SH2D3C: variants seen among roughly 807,000 people sequenced by gnomAD.
SH2D3C encodes the protein SH2 domain-containing protein 3C.
SH2D3C carries 25 observed loss-of-function variants against 75.2 expected under a neutral mutation model. The observed-to-expected ratio is 0.33, with a 90% CI of 0.24 to 0.46. SH2D3C has a LOEUF of 0.46. Ranked by LOEUF, SH2D3C falls within the 20% of genes least tolerant of loss-of-function variation. The pLI is 1.00. For synonymous variants in SH2D3C, 450 were observed against 473.7 expected, an observed-to-expected ratio of 0.95 and a Z score of 0.65; for missense variants, 933 against 1,165.3, an observed-to-expected ratio of 0.80 and a Z score of 2.90.
At chr9:127,752,557 G>A (rs1281641711) in intron 3 of SH2D3C, among the ~76,000 whole-genome samples, 1 of 152,088 alleles carries the variant, frequency 6.6e-6, no homozygotes, top group Non-Finnish European at 1.5e-5. Context: ...AGGTCCTCCA[G>A]TCCACTCCCT....
At chr9:127,769,971 C>T (rs1312623490) in intron 2 of SH2D3C, among the ~76,000 whole-genome samples, 1 of 152,158 alleles carries the variant, frequency 6.6e-6, no homozygotes, top group Non-Finnish European at 1.5e-5. Context: ...GGGACCCTCG[C>T]CTGACAATTC....
intron 2 of SH2D3C, among the ~76,000 whole-genome samples, chr9:127,772,676 T>C (rs1242219441): frequency 6.6e-6 from 1 of 151,726 alleles, no homozygotes; most frequent in Non-Finnish European, 1.5e-5. Flanking sequence ...TCTCCCGGGG[T>C]GTGAAAGGCA....
chr9:127,752,691 T>C (rs902753625), intron 3 of SH2D3C, among the ~76,000 whole-genome samples: 4 of 152,170 alleles, frequency 2.6e-5, no homozygotes, highest in African/African-American at 9.7e-5. Flanking sequence ...TGATTCCCAG[T>C]GTCAGAGATA....
intron 1 of SH2D3C, among the ~76,000 whole-genome samples, chr9:127,777,337 T>C (rs1384615382): frequency 6.6e-6 from 1 of 152,124 alleles, no homozygotes; most frequent in African/African-American, 2.4e-5. Context: ...CTCTGTGCTC[T>C]TTCCCCACCC....
intron 8 of SH2D3C, 94 bp from the exon 9 acceptor site, chr9:127,742,053 G>C: frequency 8.0e-7 from 1 of 1,254,372 alleles, no homozygotes; most frequent in Non-Finnish European, 1.1e-6. Flanking sequence ...CGGGAGAGGC[G>C]GAGGGCGGAG....
rs1017704336 is a variant in SH2D3C, at chr9:127,760,010, T to A, written c.555+1601A>T. ...AAAAAAAAAAAAATTTTTTTTTTTT[T>A]AAATTAGCAGTGGCACACACATGTA... On this transcript the variant is annotated intron_variant, in intron 3 of 11. Transcript: ENST00000314830. Among the ~76,000 whole-genome samples, 13 of 151,516 alleles carry A rather than the reference T, an allele frequency of 8.6e-5. No individual in the cohort carries two copies. In the South Asian group the frequency reaches 1.2e-3, roughly 15 times the overall value.
At chr9:127,742,075 G>T in intron 8 of SH2D3C, 116 bp from the exon 9 acceptor site, 2 of 969,560 alleles carry the variant, frequency 2.1e-6, no homozygotes, top group Non-Finnish European at 3.0e-6. Context: ...CAACGTGAGA[G>T]GTTGTAAGGG....
intron 3 of SH2D3C, among the ~76,000 whole-genome samples, chr9:127,760,109 A>G (rs1845491702): frequency 6.6e-6 from 1 of 152,096 alleles, no homozygotes; most frequent in Admixed American, 6.6e-5. Flanking sequence ...TGAGAGACAG[A>G]GCGAGATCTT....
At chr9:127,763,072 T>C (rs537368664) in intron 2 of SH2D3C, among the ~76,000 whole-genome samples, 1 of 152,322 alleles carries the variant, frequency 6.6e-6, no homozygotes, top group African/African-American at 2.4e-5. Context: ...CTTGGCAACT[T>C]GTTCCGGCCA....
chr9:127,775,001 T>G (rs972564962), intron 1 of SH2D3C, among the ~76,000 whole-genome samples: 6 of 151,892 alleles, frequency 4.0e-5, no homozygotes, highest in Non-Finnish European at 7.4e-5. Context: ...GGCAGGAGAA[T>G]TGCTTGAACC....
At chr9:127,755,324 C>G in intron 3 of SH2D3C, 1 of 856,432 alleles carries the variant, frequency 1.2e-6, no homozygotes, top group Non-Finnish European at 1.5e-6. Flanking sequence ...CGGGGAGACC[C>G]CACCCTCCAG....
Position 127,738,706 on chromosome 9 carries a change from T to C in SH2D3C, c.*40A>G. On this transcript the variant is annotated 3_prime_UTR_variant, in exon 12 of 12. Transcript: ENST00000314830. This position sits in a 1 kb window ranked among gnomAD's most constrained non-coding sequence, Gnocchi z 5.0. The stretch of plus-strand genomic sequence containing the variant: ...GGAAAGTTGTGTGCCCCTCTGCCCC[T>C]GACGCTGTCCGCAGCTGCAGAGGGG... The C allele has an allele frequency of 6.6e-7, 1 of 1,525,684 alleles. No homozygotes were observed. The highest frequency in any genetic ancestry group is 1.2e-5 in the South Asian group (1 of 80,100). 94.5% of individuals were successfully genotyped at this position (1,525,684 alleles called of 1,614,324 possible).
intron 3 of SH2D3C, among the ~76,000 whole-genome samples, chr9:127,755,741 G>T (rs1238712355): frequency 6.6e-5 from 10 of 152,318 alleles, no homozygotes; most frequent in African/African-American, 2.4e-4. Flanking sequence ...GACTCTGGGG[G>T]TGCAGAGAGC....
chr9:127,743,051 A>G (rs942597544), intron 7 of SH2D3C, 87 bp from the exon 8 acceptor site: 19 of 895,252 alleles, frequency 2.1e-5, no homozygotes, highest in Admixed American at 4.9e-5. Flanking sequence ...CTAAGGGGGT[A>G]GGTAGCCTGG....
chr9:127,745,241 G>A (rs1376195155), intron 6 of SH2D3C, 142 bp from the exon 7 acceptor site: 2 of 619,816 alleles, frequency 3.2e-6, no homozygotes, highest in Non-Finnish European at 4.9e-6. Context: ...CATCACCAGA[G>A]ACCAGGGCCG....
At chr9:127,748,331 GC>G (rs1207107060) in intron 5 of SH2D3C, among the ~76,000 whole-genome samples, 4 of 152,164 alleles carry the variant, frequency 2.6e-5, no homozygotes, top group African/African-American at 9.7e-5. Flanking sequence ...AGTGGCTGCA[GC>G]CCACAGGGTA....
chr9:127,774,476 G>GT lies in SH2D3C; in HGVS notation c.38-10_38-9insA, dbSNP rs1564426845. 7.5e-7 allele frequency: 1 copy of GT among 1,330,156 alleles called. No individual in the cohort carries two copies. Among genetic ancestry groups the GT allele is most frequent in the East Asian group, 2.3e-5 (1 of 42,976 alleles). The allele number at this position is 1,330,156 out of a possible 1,614,324, so 82.4% of individuals were successfully genotyped here. Reference sequence around the variant, plus strand: ...CTTGAACTTGAAGAACTCTAGCAGAGGGGAAGGGAAGGAAAAGAAGTTAAT... The same window carrying GT: ...CTTGAACTTGAAGAACTCTAGCAGAGTGGGAAGGGAAGGAAAAGAAGTTAAT... On this transcript the variant is annotated splice_polypyrimidine_tract_variant and intron_variant, in intron 1 of 11. Transcript: ENST00000314830. The surrounding 1 kb of genome is among the most constrained non-coding windows in gnomAD (Gnocchi z 4.3).
intron 3 of SH2D3C, among the ~76,000 whole-genome samples, chr9:127,753,158 A>G (rs1845249065): frequency 6.6e-6 from 1 of 152,092 alleles, no homozygotes; most frequent in South Asian, 2.1e-4. Flanking sequence ...CAGCAGAGCC[A>G]TGGAGGGGTT....
chr9:127,754,946 G>T lies in SH2D3C; in HGVS notation c.556-3646C>A, dbSNP rs1845323969. 4 of 523,172 alleles carry T rather than the reference G, an allele frequency of 7.6e-6. No homozygotes were observed. The highest frequency in any genetic ancestry group is 6.9e-6 in the Non-Finnish European group (2 of 289,700). The allele number at this position is 523,172 out of a possible 1,614,324, so 32.4% of individuals were successfully genotyped here. On this transcript the variant is annotated intron_variant, in intron 3 of 11. Coordinates refer to ENST00000314830, the MANE Select transcript of SH2D3C (RefSeq NM_170600.3). This position sits in a 1 kb window ranked among gnomAD's most constrained non-coding sequence, Gnocchi z 4.4. ...GGTGACCCCGCCCCCTCCCCGGGTC[G>T]GCCGGGCCCAGCCCAGCCCGACCCT...
Sources: gnomAD v4.1 joint callset for allele counts (sites outside exome capture counted in the v4.1 genomes callset) on GRCh38, gnomAD v4.1.1 for gene constraint, Gnocchi (gnomAD v3.1) non-coding constraint, MANE v1.5 for transcripts, NCBI Gene and HGNC (gene_info 2026-07-23, HGNC 2026-07-21) for gene names.